TCF7L2: variants seen among roughly 807,000 people sequenced by gnomAD.
TCF7L2 encodes transcription factor 7 like 2, also known as transcription factor 7-like 2.
TCF7L2 carries 23 observed loss-of-function variants against 77.9 expected under a neutral mutation model. The ratio of observed to expected loss-of-function variants is 0.30; its 90% confidence interval spans 0.21 to 0.42. The LOEUF is 0.42. TCF7L2 is among the 10% of genes least tolerant of loss of function. The probability of loss-of-function intolerance (pLI) is 1.00; values close to 1 mark genes in which losing one functional copy is unlikely to be tolerated. For synonymous variants in TCF7L2, 413 were observed against 340.2 expected (o/e 1.21, Z -2.36); for missense variants, 654 against 793.1 (o/e 0.82, Z 2.11).
chr10:113,058,866 T>C (rs561982473), intron 5 of TCF7L2, among the ~76,000 whole-genome samples: 26 of 152,310 alleles, frequency 1.7e-4, no homozygotes, highest in African/African-American at 5.1e-4. Flanking sequence ...TGCCATATGC[T>C]CTTGCATTCC....
At chr10:113,059,502 T>C (rs2056057436) in intron 5 of TCF7L2, among the ~76,000 whole-genome samples, 1 of 152,044 alleles carries the variant, frequency 6.6e-6, no homozygotes. Flanking sequence ...GTTTGGAGTT[T>C]GAATCAAAAA....
chr10:113,131,936 G>C (rs2066668149), intron 5 of TCF7L2: 1 of 152,234 alleles, frequency 6.6e-6, no homozygotes, highest in South Asian at 2.1e-4. Context: ...ACATCAGCTG[G>C]AGATCAGAGG....
At chr10:112,968,742 C>G (rs893888805) in intron 4 of TCF7L2, among the ~76,000 whole-genome samples, 4 of 152,062 alleles carry the variant, frequency 2.6e-5, no homozygotes, top group African/African-American at 9.7e-5. Context: ...CCACGTTCGG[C>G]TCATTTTTTT....
intron 4 of TCF7L2, among the ~76,000 whole-genome samples, chr10:113,036,196 G>T (rs2051212380): frequency 6.6e-6 from 1 of 151,552 alleles, no homozygotes; most frequent in African/African-American, 2.4e-5. Flanking sequence ...GTTTAGAAAA[G>T]AAATTTATAC....
chr10:113,098,076 A>G (rs578231173), intron 5 of TCF7L2, among the ~76,000 whole-genome samples: 1 of 148,422 alleles, frequency 6.7e-6, no homozygotes, highest in Admixed American at 6.7e-5. Flanking sequence ...AAAAAAAAGA[A>G]GAAGAAGAAG....
At chr10:113,104,921 G>A (rs545192304) in intron 5 of TCF7L2, among the ~76,000 whole-genome samples, 1 of 152,258 alleles carries the variant, frequency 6.6e-6, no homozygotes, top group South Asian at 2.1e-4. Context: ...CTCAGCCCCC[G>A]CTTATTCAAA....
At chr10:113,109,997 C>G (rs2062916553) in intron 5 of TCF7L2, among the ~76,000 whole-genome samples, 1 of 152,076 alleles carries the variant, frequency 6.6e-6, no homozygotes, top group South Asian at 2.1e-4. Context: ...CAGAAAATAG[C>G]TTTGCTATGC....
chr10:113,101,618 G>T (rs879257586), intron 5 of TCF7L2, among the ~76,000 whole-genome samples: 1 of 151,824 alleles, frequency 6.6e-6, no homozygotes, highest in Non-Finnish European at 1.5e-5. Context: ...TGAGGTGGGC[G>T]GATCACAAGG....
intron 7 of TCF7L2, among the ~76,000 whole-genome samples, chr10:113,144,925 C>T (rs1162041278): frequency 6.6e-6 from 1 of 152,116 alleles, no homozygotes; most frequent in Non-Finnish European, 1.5e-5. Context: ...ATGTATTTCT[C>T]CTTACCAGTG....
chr10:112,951,428 A>G, intron 2 of TCF7L2, 55 bp from the exon 3 acceptor site: 1 of 1,323,032 alleles, frequency 7.6e-7, no homozygotes, highest in Non-Finnish European at 9.9e-7. Context: ...GTTTCTCCTC[A>G]CTCTCTCCCG....
intron 5 of TCF7L2, chr10:113,126,790 C>T: frequency 1.0e-5 from 10 of 985,114 alleles, no homozygotes; most frequent in Non-Finnish European, 1.2e-5. Context: ...GTGGAGCCCG[C>T]GGCCGGCGCG....
At chr10:113,091,949 C>G (rs532997100) in intron 5 of TCF7L2, among the ~76,000 whole-genome samples, 15 of 152,178 alleles carry the variant, frequency 9.9e-5, no homozygotes, top group Admixed American at 3.3e-4. Flanking sequence ...ACTGGTTCAG[C>G]TTTTAATAAG....
intron 5 of TCF7L2, among the ~76,000 whole-genome samples, chr10:113,074,678 G>C (rs1014063025): frequency 6.6e-6 from 1 of 152,116 alleles, no homozygotes; most frequent in African/African-American, 2.4e-5. Context: ...TTTTAATGTT[G>C]CTACTGACTA....
intron 4 of TCF7L2, among the ~76,000 whole-genome samples, chr10:113,023,087 A>G (rs2048506206): frequency 6.6e-6 from 1 of 152,140 alleles, no homozygotes; most frequent in Admixed American, 6.6e-5. Flanking sequence ...GGCCGAGAAG[A>G]GGGCTTCTGG....
intron 5 of TCF7L2, among the ~76,000 whole-genome samples, chr10:113,046,586 A>G (rs1016431253): frequency 2.0e-5 from 3 of 152,070 alleles, no homozygotes; most frequent in Non-Finnish European, 4.4e-5. Context: ...ATTCCCCGCA[A>G]CCCCAAGTCT....
At chr10:113,052,855 C>T (rs543857449) in intron 5 of TCF7L2, among the ~76,000 whole-genome samples, 1 of 152,362 alleles carries the variant, frequency 6.6e-6, no homozygotes, top group East Asian at 1.9e-4. Context: ...TTCTATTAGA[C>T]ATTGCATGAT....
Position 113,074,356 on chromosome 10 carries a change from C to T in TCF7L2, c.552+34230C>T, listed in dbSNP as rs563459334. Among the ~76,000 whole-genome samples the T allele has an allele frequency of 5.3e-5, 8 of 152,266 alleles. No homozygotes were observed. In the East Asian group the frequency reaches 1.4e-3, roughly 26 times the overall value. On this transcript the variant is annotated intron_variant, in intron 5 of 13. Transcript: ENST00000627217. Reference sequence around the variant, plus strand: ...GGGTGGTTAGAGTTTTCTTGAGTGACTGGGCTATTATGATTAGCAGATTAC... The same window carrying T: ...GGGTGGTTAGAGTTTTCTTGAGTGATTGGGCTATTATGATTAGCAGATTAC...
At chr10:113,049,041 A>G (rs2053940305) in intron 5 of TCF7L2, among the ~76,000 whole-genome samples, 1 of 152,128 alleles carries the variant, frequency 6.6e-6, no homozygotes, top group South Asian at 2.1e-4. Context: ...AGGGACTCAT[A>G]GGGGTCTGGC....
At chr10:113,011,383 C>T (rs1176823246) in intron 4 of TCF7L2, among the ~76,000 whole-genome samples, 5 of 152,126 alleles carry the variant, frequency 3.3e-5, no homozygotes, top group African/African-American at 4.8e-5. Context: ...GGTATTCTGT[C>T]CTCAGGGGCT....
Sources: allele counts gnomAD v4.1 joint callset (sites outside exome capture counted in the v4.1 genomes callset), GRCh38; gene constraint gnomAD v4.1.1; transcripts MANE v1.5; gene names NCBI Gene and HGNC (gene_info 2026-07-23, HGNC 2026-07-21).